The following ANKRD31 variants were observed in gnomAD, a reference collection of about 807,000 sequenced individuals.
ANKRD31 encodes ankyrin repeat domain-containing protein 31.
ANKRD31 carries 147 observed loss-of-function variants against 186.0 expected under a neutral mutation model. The observed-to-expected ratio is 0.79, with a 90% CI of 0.69 to 0.91. The LOEUF (loss-of-function observed/expected upper bound fraction) is 0.91, where lower values mean the gene tolerates loss of function less well. Among genes scored for constraint, ANKRD31 ranks in the 40% least tolerant of loss-of-function variants. ANKRD31 has a pLI of 0.00. For missense variants in ANKRD31, 1,986 were observed against 2,148.8 expected, an observed-to-expected ratio of 0.92 and a Z score of 1.50; for synonymous variants, 673 against 736.4, an observed-to-expected ratio of 0.91 and a Z score of 1.39.
intron 10 of ANKRD31, 59 bp from the exon 11 acceptor site, chr5:75,169,180 C>A: frequency 6.7e-7 from 1 of 1,494,714 alleles, no homozygotes; most frequent in South Asian, 1.3e-5. Context: ...ATGTTTTGTG[C>A]TTGCCCTTAA....
intron 17 of ANKRD31, among the ~76,000 whole-genome samples, chr5:75,123,249 T>C (rs1335979883): frequency 6.7e-6 from 1 of 148,468 alleles, no homozygotes; most frequent in African/African-American, 2.5e-5. Flanking sequence ...ACCAAGGAGG[T>C]GAAAGAAAGA....
intron 22 of ANKRD31, among the ~76,000 whole-genome samples, chr5:75,103,751 A>G (rs1019999064): frequency 4.6e-5 from 7 of 152,352 alleles, no homozygotes; most frequent in East Asian, 1.9e-4. Context: ...ACGCAAGAAC[A>G]TAAGACCAAA....
chr5:75,200,248 C>T (rs537849623), intron 5 of ANKRD31, among the ~76,000 whole-genome samples: 11 of 151,536 alleles, frequency 7.3e-5, no homozygotes, highest in Non-Finnish European at 1.3e-4. Flanking sequence ...AAAGGAGGAT[C>T]TGGAAAAAAG....
At chr5:75,130,084 G>A (rs903444306) in intron 17 of ANKRD31, among the ~76,000 whole-genome samples, 2 of 152,090 alleles carry the variant, frequency 1.3e-5, no homozygotes, top group Non-Finnish European at 2.9e-5. Context: ...ATGTTCGGAC[G>A]TGTCCAGAGT....
intron 10 of ANKRD31, among the ~76,000 whole-genome samples, chr5:75,179,050 A>T (rs963017549): frequency 6.6e-6 from 1 of 152,148 alleles, no homozygotes; most frequent in African/African-American, 2.4e-5. Flanking sequence ...GACAAAGGGG[A>T]TATCACCACC....
chr5:75,083,116 T>A (rs1418054558), intron 24 of ANKRD31, among the ~76,000 whole-genome samples: 1 of 152,224 alleles, frequency 6.6e-6, no homozygotes, highest in Admixed American at 6.5e-5. Context: ...TGAAATTCAT[T>A]TATGTTTCAT....
Position 75,076,405 on chromosome 5 carries a change from C to T in ANKRD31, c.5647+4163G>A, listed in dbSNP as rs147009632. ...AGAACTCAGGAAAGCACTTTACTTC[C>T]GGTTACTGGTTTATTATAGAAGATA... On this transcript the variant is annotated intron_variant, in intron 25 of 25. Coordinates refer to ENST00000506364, the MANE Select transcript of ANKRD31 (RefSeq NM_001372053.1). Among the ~76,000 whole-genome samples, 93 of 152,254 alleles carry T rather than the reference C, an allele frequency of 6.1e-4. 1 individual carries two copies. Among genetic ancestry groups the T allele is most frequent in the African/African-American group, 2.1e-3 (86 of 41,538 alleles).
chr5:75,153,594 G>A (rs945624658), intron 12 of ANKRD31, among the ~76,000 whole-genome samples: 1 of 152,072 alleles, frequency 6.6e-6, no homozygotes, highest in Non-Finnish European at 1.5e-5. Context: ...GGAACTTCTA[G>A]GCTATTGTAA....
At chr5:75,231,815 G>A (rs562028062) in intron 1 of ANKRD31, among the ~76,000 whole-genome samples, 61 of 152,000 alleles carry the variant, frequency 4.0e-4, no homozygotes, top group Middle Eastern at 3.4e-3. Context: ...GCTGAAGCAG[G>A]AAGATGGCTT....
At chr5:75,228,297 C>A (rs1225517217) in intron 2 of ANKRD31, among the ~76,000 whole-genome samples, 2 of 152,140 alleles carry the variant, frequency 1.3e-5, no homozygotes, top group African/African-American at 4.8e-5. Flanking sequence ...ACATAAAAAT[C>A]CTTGCATGCC....
intron 15 of ANKRD31, among the ~76,000 whole-genome samples, chr5:75,141,376 C>T (rs1202507350): frequency 6.6e-6 from 1 of 151,732 alleles, no homozygotes; most frequent in Non-Finnish European, 1.5e-5. Context: ...ATATGAGAGA[C>T]AGAGAATATA....
chr5:75,078,390 C>A (rs1284121213), intron 25 of ANKRD31, among the ~76,000 whole-genome samples: 1 of 152,084 alleles, frequency 6.6e-6, no homozygotes, highest in African/African-American at 2.4e-5. Context: ...ATCAGTAGGA[C>A]CGTTTTATCT....
chr5:75,218,160 T>A (rs1434064016), intron 3 of ANKRD31, among the ~76,000 whole-genome samples: 1 of 151,996 alleles, frequency 6.6e-6, no homozygotes, highest in East Asian at 1.9e-4. Flanking sequence ...CAGAAGTTGG[T>A]TTTTTGGAAA....
chr5:75,174,859 C>T (rs551526783), intron 10 of ANKRD31, among the ~76,000 whole-genome samples: 77 of 152,276 alleles, frequency 5.1e-4, no homozygotes, highest in Middle Eastern at 3.4e-3. Flanking sequence ...TACCATTTGA[C>T]GCAGCCATCC....
At chr5:75,129,792 T>C (rs1749590734) in intron 17 of ANKRD31, among the ~76,000 whole-genome samples, 1 of 152,142 alleles carries the variant, frequency 6.6e-6, no homozygotes, top group Non-Finnish European at 1.5e-5. Context: ...TGTCGGACAG[T>C]GGGTGCAGCC....
chr5:75,100,701 C>G (rs984526067), intron 22 of ANKRD31, among the ~76,000 whole-genome samples: 1 of 152,060 alleles, frequency 6.6e-6, no homozygotes, highest in East Asian at 1.9e-4. Flanking sequence ...CTCTTTTGAT[C>G]TTTGTTGGTT....
Position 75,097,511 on chromosome 5 carries a change from T to C in ANKRD31, c.5332-6110A>G, listed in dbSNP as rs190147428. Among the ~76,000 whole-genome samples, 14 of 152,310 alleles carry C rather than the reference T, an allele frequency of 9.2e-5. No individual in the cohort carries two copies. In the East Asian group the frequency reaches 1.9e-3, roughly 21 times the overall value. ...TCACCCACTTTTTCATGGGGTTGATTTTTTCTTGTAAATTTGTTTAAGTTC... is the reference window on the plus strand; with the variant it reads ...TCACCCACTTTTTCATGGGGTTGATCTTTTCTTGTAAATTTGTTTAAGTTC... On this transcript the variant is annotated intron_variant, in intron 22 of 25. Coordinates refer to ENST00000506364, the MANE Select transcript of ANKRD31 (RefSeq NM_001372053.1).
chr5:75,167,942 C>A (rs771783668), intron 11 of ANKRD31, among the ~76,000 whole-genome samples: 14 of 152,078 alleles, frequency 9.2e-5, no homozygotes, highest in Non-Finnish European at 2.1e-4. Flanking sequence ...CTGCTTCTGA[C>A]AGAGAAAGGA....
intron 10 of ANKRD31, among the ~76,000 whole-genome samples, chr5:75,186,205 A>T (rs1754701701): frequency 6.6e-6 from 1 of 152,312 alleles, no homozygotes; most frequent in South Asian, 2.1e-4. Context: ...GCAGGTTGGG[A>T]GATCCCCAAA....
Sources: allele counts gnomAD v4.1 joint callset (sites outside exome capture counted in the v4.1 genomes callset), GRCh38; gene constraint gnomAD v4.1.1; transcripts MANE v1.5; gene names NCBI Gene and HGNC (gene_info 2026-07-23, HGNC 2026-07-21).